The following FLNC variants were observed in gnomAD, a reference collection of about 807,000 sequenced individuals.
FLNC encodes filamin C, also known as filamin-C.
FLNC carries 91 observed loss-of-function variants against 254.3 expected under a neutral mutation model. The observed-to-expected ratio is 0.36, with a 90% CI of 0.30 to 0.43. The LOEUF is 0.43. Ranked by LOEUF, FLNC falls within the 20% of genes least tolerant of loss-of-function variation. FLNC has a pLI of 1.00. For missense variants in FLNC, 2,853 were observed against 3,802.6 expected, an observed-to-expected ratio of 0.75 and a Z score of 6.57; for synonymous variants, 1,430 against 1,577.2, an observed-to-expected ratio of 0.91 and a Z score of 2.21.
chr7:128,849,267 A>C, intron 29 of FLNC, 63 bp downstream of exon 29: 1 of 1,614,036 alleles, frequency 6.2e-7, no homozygotes, highest in Non-Finnish European at 8.5e-7. Context: ...GGGGGCGGGC[A>C]GCGGGAACAG....
rs993836469 is a variant in FLNC at position 128,838,620 on chromosome 7, G to C, written c.1228G>C (p.Val410Leu). ...TTCGGCAGGGGCCGGCACTGGCGAT[G>C]TTGCTGTGGTGATCGTGGACCCACA... Reference protein sequence around the residue: ...IYTAGAGTGDVAVVIVDPQGR... With the variant: ...IYTAGAGTGDLAVVIVDPQGR... The change falls in exon 8 of 48, where the codon GTT becomes CTT. Residue 410 changes from valine (V) to leucine (L), a missense_variant. Physicochemically the swap from Val to Leu is conservative, Grantham distance 32. This residue lies in a region of FLNC where 1,573 missense variants were observed against 1,883.5 expected (regional missense o/e 0.84). Transcript: ENST00000325888. 2.4e-5 allele frequency: 38 copies of C among 1,612,932 alleles called. No homozygotes were observed. Among genetic ancestry groups the C allele is most frequent in the Admixed American group, 2.2e-4 (13 of 60,012 alleles).
At chr7:128,852,469 CCTGGGAGTGG>C in intron 35 of FLNC, 112 bp from the exon 36 acceptor site, 1 of 1,153,088 alleles carries the variant, frequency 8.7e-7, no homozygotes, top group Non-Finnish European at 1.3e-6. Flanking sequence ...CCTCCGTGCA[CCTGGGAGTGG>C]CCCCCCGTGT....
rs200723434 is a variant in FLNC at position 128,844,896 on chromosome 7, C to G, written c.3431C>G (p.Pro1144Arg). The change falls in exon 21 of 48, where the codon CCC (proline) becomes CGC (arginine). Residue 1144 changes from proline to arginine, a missense_variant. Pro to Arg is a moderately radical substitution (Grantham distance 103). Around this residue, in one of 10 missense-constraint regions of FLNC, gnomAD observed 1,573 missense variants for 1,883.5 expected, o/e 0.84. Coordinates refer to ENST00000325888, the MANE Select transcript of FLNC (RefSeq NM_001458.5). ...LFAEAHIPGS[P>R]FKATIRPVFD... ...GCTGAGGCCCACATCCCTGGCTCGC[C>G]CTTCAAAGCCACCATTCGGCCTGTG... is the stretch of plus-strand genomic sequence containing the variant. The G allele has an allele frequency of 6.2e-7, 1 of 1,613,974 alleles. No individual in the cohort carries two copies. Among genetic ancestry groups the G allele is most frequent in the African/African-American group, 1.3e-5 (1 of 75,050 alleles).
At position 128,844,884 on chromosome 7, in the gene FLNC, T is replaced by C; in HGVS notation, c.3419T>C (p.Ile1140Thr). 6.2e-7 allele frequency: 1 copy of C among 1,613,988 alleles called. No homozygotes were observed. Reference sequence around the variant, plus strand: ...AACATCCTGTTTGCTGAGGCCCACATCCCTGGCTCGCCCTTCAAAGCCACC... The same window carrying C: ...AACATCCTGTTTGCTGAGGCCCACACCCCTGGCTCGCCCTTCAAAGCCACC... ...TINILFAEAH[I>T]PGSPFKATIR... is the part of the protein sequence containing the mutation. The change falls in exon 21 of 48, where the codon ATC (isoleucine) becomes ACC (threonine). Residue 1140 changes from isoleucine to threonine, a missense_variant. By Grantham distance (89) the Ile-to-Thr change is moderately conservative (BLOSUM62 -1). Transcript: ENST00000325888.
Position 128,842,654 on chromosome 7 carries a change from A to G in FLNC, c.2345A>G (p.Asn782Ser), listed in dbSNP as rs767436158. The G allele has an allele frequency of 3.2e-5, 49 of 1,551,200 alleles. No homozygotes were observed. Among genetic ancestry groups the G allele is most frequent in the South Asian group, 3.1e-4 (26 of 84,220 alleles). ...PGVEKTGLKA[N>S]EPTYFTVDCS... ...GTGGAGAAGACAGGCCTCAAGGCCA[A>G]TGAGCCCACCTACTTCACGGTGGAC... The change falls in exon 15 of 48, where the codon AAT becomes AGT. Residue 782 changes from asparagine to serine, a missense_variant. This residue lies in a region of FLNC where 1,573 missense variants were observed against 1,883.5 expected (regional missense o/e 0.84). Transcript: ENST00000325888. The surrounding 1 kb of genome is among the most constrained non-coding windows in gnomAD (Gnocchi z 5.4).
rs1409615983 is a variant in FLNC, at chr7:128,842,203, A to T, written c.2122-28A>T. On this transcript the variant is annotated intron_variant, in intron 13 of 47. Coordinates refer to ENST00000325888, the MANE Select transcript of FLNC (RefSeq NM_001458.5). This position sits in a 1 kb window ranked among gnomAD's most constrained non-coding sequence, Gnocchi z 5.4. ...AGGGCGCTCTGCAGAGGCCACAGCTATGAACTTTGCTTGGGTGATGCCCAC... is the reference window on the plus strand; with the variant it reads ...AGGGCGCTCTGCAGAGGCCACAGCTTTGAACTTTGCTTGGGTGATGCCCAC... The T allele has an allele frequency of 1.2e-6, 2 of 1,612,458 alleles. No individual in the cohort carries two copies. Among genetic ancestry groups the T allele is most frequent in the Non-Finnish European group, 1.7e-6 (2 of 1,179,508 alleles).
In FLNC at chr7:128,857,876, G is replaced by A. The variant is rs1426579148; in HGVS notation, c.7781-132G>A. On this transcript the variant is annotated intron_variant, in intron 46 of 47. Coordinates refer to ENST00000325888, the MANE Select transcript of FLNC (RefSeq NM_001458.5). This position sits in a 1 kb window ranked among gnomAD's most constrained non-coding sequence, Gnocchi z 4.5. ...CTGTGCTCCTAGAGTGGCCCTTGGA[G>A]GAATTTGAGGGGGAGCCTCAAATGC... 4.0e-6 allele frequency: 3 copies of A among 741,580 alleles called. No individual in the cohort carries two copies. The highest frequency in any genetic ancestry group is 2.0e-5 in the Admixed American group (1 of 49,640). 45.9% of individuals were successfully genotyped at this position (741,580 alleles called of 1,614,324 possible). A position where few individuals can be genotyped will look rare whatever the true frequency, so the allele number is the denominator to read the frequency against.
Position 128,857,869 on chromosome 7 carries a change from C to T in FLNC, c.7781-139C>T. 1.4e-6 allele frequency: 1 copy of T among 725,234 alleles called. No individual in the cohort carries two copies. Among genetic ancestry groups the T allele is most frequent in the Non-Finnish European group, 2.5e-6 (1 of 398,866 alleles). The allele number at this position is 725,234 out of a possible 1,614,324, so 44.9% of individuals were successfully genotyped here. A position where few individuals can be genotyped will look rare whatever the true frequency, so the allele number is the denominator to read the frequency against. Reference sequence around the variant, plus strand: ...AATGAGGCTGTGCTCCTAGAGTGGCCCTTGGAGGAATTTGAGGGGGAGCCT... The same window carrying T: ...AATGAGGCTGTGCTCCTAGAGTGGCTCTTGGAGGAATTTGAGGGGGAGCCT... On this transcript the variant is annotated intron_variant, in intron 46 of 47. Coordinates refer to ENST00000325888, the MANE Select transcript of FLNC (RefSeq NM_001458.5). The surrounding 1 kb of genome is among the most constrained non-coding windows in gnomAD (Gnocchi z 4.5).
At chr7:128,837,582 G>A (rs1310484609) in intron 4 of FLNC, 34 bp downstream of exon 4, 1 of 1,613,900 alleles carries the variant, frequency 6.2e-7, no homozygotes, top group Non-Finnish European at 8.5e-7. Flanking sequence ...CTCCTGGGCA[G>A]CTGGGCACAT....
In FLNC at chr7:128,846,289, G is replaced by A; in HGVS notation, c.3965-12G>A. The stretch of plus-strand genomic sequence containing the variant: ...ACACTCCCTGATTGATGCCCCTGTG[G>A]CTGGCTTCCAGGCGTGCATCTGGTG... On this transcript the variant is annotated splice_polypyrimidine_tract_variant and intron_variant, in intron 22 of 47. Transcript: ENST00000325888. The A allele has an allele frequency of 6.2e-7, 1 of 1,613,740 alleles. No individual in the cohort carries two copies. Among genetic ancestry groups the A allele is most frequent in the South Asian group, 1.1e-5 (1 of 91,066 alleles).
At position 128,856,438 on chromosome 7, in the gene FLNC, G is replaced by A; in HGVS notation, c.7252-80G>A. ...GCAGCCTTTGGGCTGGGCTTACAGT[G>A]AGCACCGTGTGGGGCTTCAGAGAAG... is the stretch of plus-strand genomic sequence containing the variant. On this transcript the variant is annotated intron_variant, in intron 43 of 47. Coordinates refer to ENST00000325888, the MANE Select transcript of FLNC (RefSeq NM_001458.5). The surrounding 1 kb of genome is among the most constrained non-coding windows in gnomAD (Gnocchi z 5.9). 4 of 1,567,880 alleles carry A rather than the reference G, an allele frequency of 2.6e-6. No individual in the cohort carries two copies. Among genetic ancestry groups the A allele is most frequent in the Non-Finnish European group, 3.5e-6 (4 of 1,151,868 alleles).
chr7:128,839,848 TAGCCAGCTCCAGCCCGGC>T (rs1470890993), intron 8 of FLNC, among the ~76,000 whole-genome samples, 157 bp from the exon 9 acceptor site: 1 of 152,220 alleles, frequency 6.6e-6, no homozygotes, highest in African/African-American at 2.4e-5. Flanking sequence ...CTGGGGCCTG[TAGCCAGCTCCAGCCCGGC>T]AGCCCCGGTT....
Position 128,844,665 on chromosome 7 carries a change from C to T in FLNC, c.3200C>T (p.Ala1067Val). 1.9e-6 allele frequency: 3 copies of T among 1,612,032 alleles called. No homozygotes were observed. Among genetic ancestry groups the T allele is most frequent in the East Asian group, 2.2e-5 (1 of 44,884 alleles). ...VLPPDPSKVC[A>V]YGPGLKGGLV... The stretch of plus-strand genomic sequence containing the variant: ...ACCTGCCTCTTCCCCTAGGTCTGTG[C>T]TTATGGCCCGGGTCTCAAGGGTGGA... Residue 1067 changes from alanine (A) to valine (V), a missense_variant, in exon 21 of 48, where the codon GCT (alanine) becomes GTT (valine). Transcript: ENST00000325888.
chr7:128,845,017 C>G lies in FLNC; in HGVS notation c.3552C>G (p.Gly1184=), dbSNP rs373310802. 5.0e-6 allele frequency: 8 copies of G among 1,613,618 alleles called. No homozygotes were observed. In the Admixed American group the frequency reaches 8.3e-5, roughly 17 times the overall value. The change falls in exon 21 of 48, where the codon GGC becomes GGG. Residue 1184 remains glycine, a synonymous_variant. Coordinates refer to ENST00000325888, the MANE Select transcript of FLNC (RefSeq NM_001458.5). ...TCACTGTGGACTGCTCAGAGGCAGGCGAGGCGGAGCTGACCATTGAGATCC... is the reference window on the plus strand; with the variant it reads ...TCACTGTGGACTGCTCAGAGGCAGGGGAGGCGGAGCTGACCATTGAGATCC... ...ATFTVDCSEA[G]EAELTIEILS...
chr7:128,841,616 C>A lies in FLNC; in HGVS notation c.2121+49C>A, dbSNP rs1283658073. The stretch of plus-strand genomic sequence containing the variant: ...TGCCCTTACTACCCATGGCAGGGAC[C>A]CTGGAAGGCAGGGCCAGGCCAGAGG... On this transcript the variant is annotated intron_variant, in intron 13 of 47. Transcript: ENST00000325888. This position sits in a 1 kb window ranked among gnomAD's most constrained non-coding sequence, Gnocchi z 4.3. The A allele has an allele frequency of 2.1e-6, 3 of 1,460,250 alleles. No homozygotes were observed. The East Asian group carries it at 6.8e-5, about 33-fold the overall frequency. 90.5% of individuals were successfully genotyped at this position (1,460,250 alleles called of 1,614,324 possible). A position where few individuals can be genotyped will look rare whatever the true frequency, so the allele number is the denominator to read the frequency against.
In FLNC at chr7:128,838,325, G is replaced by T. The variant is rs754733061; in HGVS notation, c.1106G>T (p.Gly369Val). Reference sequence around the variant, plus strand: ...CGCAGTCCCTTTGAGGTGAACGTGGGCATGGCCCTGGGAGATGCCAACAAG... The same window carrying T: ...CGCAGTCCCTTTGAGGTGAACGTGGTCATGGCCCTGGGAGATGCCAACAAG... ...IERSPFEVNVGMALGDANKVS... is the reference protein window; with the variant it reads ...IERSPFEVNVVMALGDANKVS... The change falls in exon 7 of 48, where the codon GGC becomes GTC. Residue 369 changes from glycine to valine, a missense_variant. Physicochemically the swap from Gly to Val is moderately radical, Grantham distance 109. Around this residue, in one of 10 missense-constraint regions of FLNC, gnomAD observed 1,573 missense variants for 1,883.5 expected, o/e 0.84. Coordinates refer to ENST00000325888, the MANE Select transcript of FLNC (RefSeq NM_001458.5). 3 of 1,614,046 alleles carry T rather than the reference G, an allele frequency of 1.9e-6. No individual in the cohort carries two copies. In the Admixed American group the frequency reaches 5.0e-5, roughly 27 times the overall value.
At position 128,858,887 on chromosome 7, in the gene FLNC, T is replaced by C. The variant is rs1390899943; in HGVS notation, c.*364T>C. 5.9e-6 allele frequency: 2 copies of C among 338,720 alleles called. No individual in the cohort carries two copies. Among genetic ancestry groups the C allele is most frequent in the African/African-American group, 2.1e-5 (1 of 47,638 alleles). 21.0% of individuals were successfully genotyped at this position (338,720 alleles called of 1,614,324 possible). On this transcript the variant is annotated 3_prime_UTR_variant, in exon 48 of 48. Coordinates refer to ENST00000325888, the MANE Select transcript of FLNC (RefSeq NM_001458.5). This position sits in a 1 kb window ranked among gnomAD's most constrained non-coding sequence, Gnocchi z 6.7. ...GCATTGTGTTGTGGGTGTCTGTGTG[T>C]GAGGTCACCCTCAAACTGCACCGCC...
rs760050314 is a variant in FLNC at position 128,840,004 on chromosome 7, C to T, written c.1412-19C>T. On this transcript the variant is annotated intron_variant, in intron 8 of 47. Coordinates refer to ENST00000325888, the MANE Select transcript of FLNC (RefSeq NM_001458.5). ...AAGGCCCCTCAGCACCCCCAACCTC[C>T]TTTCTCTTCCTCCCCTAGCCTGTAA... 6.2e-7 allele frequency: 1 copy of T among 1,611,058 alleles called. No individual in the cohort carries two copies. The highest frequency in any genetic ancestry group is 8.5e-7 in the Non-Finnish European group (1 of 1,179,946).
At chr7:128,851,677 A>C (rs1808822698) in intron 35 of FLNC, 49 bp downstream of exon 35, 1 of 1,591,954 alleles carries the variant, frequency 6.3e-7, no homozygotes, top group African/African-American at 1.3e-5. Flanking sequence ...CACACACCGC[A>C]TACAGTGCAC....
Sources: allele counts gnomAD v4.1 joint callset (sites outside exome capture counted in the v4.1 genomes callset), GRCh38; gene constraint gnomAD v4.1.1; regional missense constraint gnomAD v4.1.1; non-coding constraint Gnocchi (gnomAD v3.1); transcripts MANE v1.5; gene names NCBI Gene and HGNC (gene_info 2026-07-23, HGNC 2026-07-21).